The following HMG20B variants were observed in gnomAD, a reference collection of about 807,000 sequenced individuals.
HMG20B encodes the protein SWI/SNF-related matrix-associated actin-dependent regulator of chromatin subfamily E member 1-related.
In HMG20B, 24 loss-of-function variants were observed where a neutral mutation model predicts 41.6. That is an observed-to-expected ratio of 0.58 (90% CI 0.42 to 0.81). The LOEUF is 0.81. HMG20B is among the 30% of genes least tolerant of loss of function. The pLI is 0.00. For missense variants in HMG20B, 461 were observed against 444.0 expected (o/e 1.04, Z -0.34); for synonymous variants, 251 against 186.6 (o/e 1.34, Z -2.81).
At chr19:3,573,964 C>T in intron 3 of HMG20B, 164 bp downstream of exon 3, 1 of 730,852 alleles carries the variant, frequency 1.4e-6, no homozygotes, top group Non-Finnish European at 2.4e-6. Context: ...CTGACAGGTC[C>T]TCTGCCACTC....
chr19:3,573,260 GC>G, intron 1 of HMG20B, 31 bp from the exon 2 acceptor site: 2 of 1,501,466 alleles, frequency 1.3e-6, no homozygotes, highest in Non-Finnish European at 1.8e-6. Flanking sequence ...CAGCCCGGGC[GC>G]TACTCACCTC....
Position 3,578,883 on chromosome 19 carries a change from G to T in HMG20B, c.*362G>T, listed in dbSNP as rs1599858645. On this transcript the variant is annotated 3_prime_UTR_variant, in exon 10 of 10. Transcript: ENST00000333651. The stretch of plus-strand genomic sequence containing the variant: ...GGACCCCCCAAATTACTCACTACGG[G>T]GGGCTGTGCCATAGGCCACACAGGA... 1.9e-6 allele frequency: 1 copy of T among 533,650 alleles called. No individual in the cohort carries two copies. Among genetic ancestry groups the T allele is most frequent in the Non-Finnish European group, 3.6e-6 (1 of 277,326 alleles). The allele number at this position is 533,650 out of a possible 1,614,324, so 33.1% of individuals were successfully genotyped here.
At position 3,578,949 on chromosome 19, in the gene HMG20B, C is replaced by G. The variant is rs2032236748; in HGVS notation, c.*428C>G. 2.5e-6 allele frequency: 1 copy of G among 394,858 alleles called. No homozygotes were observed. Among genetic ancestry groups the G allele is most frequent in the African/African-American group, 2.1e-5 (1 of 48,376 alleles). The allele number at this position is 394,858 out of a possible 1,614,324, so 24.5% of individuals were successfully genotyped here. On this transcript the variant is annotated 3_prime_UTR_variant, in exon 10 of 10. Coordinates refer to ENST00000333651, the MANE Select transcript of HMG20B (RefSeq NM_006339.3). ...ACTTACCTGGGGTGTCCCCCGCATG[C>G]CTGTACCCCAGATGGGTGGGGGCCG...
rs898898964 is a variant in HMG20B at position 3,572,976 on chromosome 19, C to G, written c.-37C>G. 6.5e-6 allele frequency: 2 copies of G among 305,870 alleles called. No homozygotes were observed. Among genetic ancestry groups the G allele is most frequent in the South Asian group, 8.3e-5 (1 of 12,018 alleles). The allele number at this position is 305,870 out of a possible 1,614,324, so 18.9% of individuals were successfully genotyped here. On this transcript the variant is annotated 5_prime_UTR_variant, in exon 1 of 10. Coordinates refer to ENST00000333651, the MANE Select transcript of HMG20B (RefSeq NM_006339.3). ...TGGAGCGTCGCGCAGTCGGGAGGTC[C>G]GGGAAAGTTTCTTTGGAGGTGAAAA...
At chr19:3,578,354 T>A in intron 9 of HMG20B, 155 bp from the exon 10 acceptor site, 4 of 1,230,972 alleles carry the variant, frequency 3.2e-6, no homozygotes, top group Middle Eastern at 2.7e-4. Context: ...TCAGGGTGGA[T>A]CCCAGCGCCC....
At chr19:3,576,080 G>C in intron 5 of HMG20B, 181 bp from the exon 6 acceptor site, 1 of 625,852 alleles carries the variant, frequency 1.6e-6, no homozygotes, top group Non-Finnish European at 2.8e-6. Context: ...GGGTTGGGCG[G>C]GGGAAAGATA....
intron 4 of HMG20B, 105 bp downstream of exon 4, chr19:3,574,691 G>A (rs2032120847): frequency 9.4e-7 from 1 of 1,066,134 alleles, no homozygotes; most frequent in South Asian, 1.6e-5. Flanking sequence ...CCTTCTTCCT[G>A]GAGAAATGCC....
In HMG20B at chr19:3,578,938, TCC is replaced by T. The variant is rs751003862; in HGVS notation, c.*421_*422del. The T allele has an allele frequency of 9.0e-5, 38 of 422,798 alleles. No homozygotes were observed. The highest frequency in any genetic ancestry group is 2.2e-4 in the Admixed American group (8 of 35,608). 26.2% of individuals were successfully genotyped at this position (422,798 alleles called of 1,614,324 possible). On this transcript the variant is annotated 3_prime_UTR_variant, in exon 10 of 10. Coordinates refer to ENST00000333651, the MANE Select transcript of HMG20B (RefSeq NM_006339.3). Reference sequence around the variant, plus strand: ...GCCTTGTGGGGACTTACCTGGGGTGTCCCCCGCATGCCTGTACCCCAGATGGG... The same window carrying T: ...GCCTTGTGGGGACTTACCTGGGGTGTCCCGCATGCCTGTACCCCAGATGGG...
At chr19:3,577,812 C>T (rs1462152584) in intron 8 of HMG20B, among the ~76,000 whole-genome samples, 169 bp from the exon 9 acceptor site, 1 of 151,734 alleles carries the variant, frequency 6.6e-6, no homozygotes, top group Non-Finnish European at 1.5e-5. Context: ...CCTCGCCATC[C>T]TCCTGCCCCG....
In HMG20B at chr19:3,579,004, A is replaced by AG. The variant is rs2032238502; in HGVS notation, c.*486dup. On this transcript the variant is annotated 3_prime_UTR_variant, in exon 10 of 10. Coordinates refer to ENST00000333651, the MANE Select transcript of HMG20B (RefSeq NM_006339.3). This position sits in a 1 kb window ranked among gnomAD's most constrained non-coding sequence, Gnocchi z 7.4. ...TGCCCATCCTGCTCTCCTCCAGCCG[A>AG]GGGACCCTGGTGGGGGTGGCTCCTT... is the stretch of plus-strand genomic sequence containing the variant. 5.7e-6 allele frequency: 2 copies of AG among 352,706 alleles called. No homozygotes were observed. Among genetic ancestry groups the AG allele is most frequent in the Non-Finnish European group, 1.1e-5 (2 of 177,308 alleles). The allele number at this position is 352,706 out of a possible 1,614,324, so 21.8% of individuals were successfully genotyped here.
rs1170021339 is a variant in HMG20B at position 3,576,928 on chromosome 19, A to C, written c.629A>C (p.Asn210Thr). The C allele has an allele frequency of 6.3e-7, 1 of 1,584,238 alleles. No homozygotes were observed. Among genetic ancestry groups the C allele is most frequent in the Middle Eastern group, 1.9e-4 (1 of 5,290 alleles). The change falls in exon 8 of 10, where the codon AAT becomes ACT. Residue 210 changes from asparagine to threonine, a missense_variant. Coordinates refer to ENST00000333651, the MANE Select transcript of HMG20B (RefSeq NM_006339.3). ...EAELRRLRKM[N>T]VAFEEQNAVL... ...GAGCTTCGGCGCTTGCGGAAGATGA[A>C]TGTGGCCTTCGAGGAGCAGAACGCG...
intron 3 of HMG20B, chr19:3,574,059 T>C: frequency 1.5e-6 from 1 of 646,604 alleles, no homozygotes; most frequent in South Asian, 1.7e-5. Context: ...GGCGGCACCC[T>C]CCCCTTGGTC....
chr19:3,578,258 C>A, intron 9 of HMG20B, 145 bp downstream of exon 9: 1 of 1,240,662 alleles, frequency 8.1e-7, no homozygotes, highest in Non-Finnish European at 1.1e-6. Flanking sequence ...CTGCGGTCGC[C>A]CCTGATGCAC....
chr19:3,576,221 G>T, intron 5 of HMG20B, 40 bp from the exon 6 acceptor site: 1 of 1,601,118 alleles, frequency 6.2e-7, no homozygotes, highest in Non-Finnish European at 8.6e-7. Flanking sequence ...GGTCCCTGGA[G>T]GCCTGGGAGG....
chr19:3,573,610 G>A, intron 2 of HMG20B, 82 bp from the exon 3 acceptor site: 1 of 1,256,698 alleles, frequency 8.0e-7, no homozygotes, highest in Non-Finnish European at 1.1e-6. Context: ...CCCCGCCGTC[G>A]GGGGTCAAAA....
At chr19:3,575,478 AAAG>A in intron 4 of HMG20B, 59 bp from the exon 5 acceptor site, 1 of 1,549,410 alleles carries the variant, frequency 6.5e-7, no homozygotes, top group Non-Finnish European at 8.7e-7. Flanking sequence ...GCAGAGTGAT[AAAG>A]ACTGGATCCT....
At chr19:3,577,783 G>A (rs2032203580) in intron 8 of HMG20B, among the ~76,000 whole-genome samples, 198 bp from the exon 9 acceptor site, 1 of 147,872 alleles carries the variant, frequency 6.8e-6, no homozygotes, top group African/African-American at 2.5e-5. Context: ...CTAGCCCCGC[G>A]TCCCCACCCT....
intron 4 of HMG20B, 82 bp downstream of exon 4, chr19:3,574,668 G>A: frequency 1.6e-6 from 2 of 1,281,276 alleles, no homozygotes; most frequent in Non-Finnish European, 1.1e-6. Context: ...AGGATTCCAC[G>A]TGCAGGGTTT....
In HMG20B at chr19:3,578,683, T is replaced by G; in HGVS notation, c.*162T>G. ...AAATTAAATTTCTGCAGCATCCCTT[T>G]AGCTTTCAATCTCCCCAGCCCCCTG... On this transcript the variant is annotated 3_prime_UTR_variant, in exon 10 of 10. Coordinates refer to ENST00000333651, the MANE Select transcript of HMG20B (RefSeq NM_006339.3). 3 of 916,216 alleles carry G rather than the reference T, an allele frequency of 3.3e-6. No homozygotes were observed. Among genetic ancestry groups the G allele is most frequent in the Non-Finnish European group, 5.2e-6 (3 of 573,520 alleles). The allele number at this position is 916,216 out of a possible 1,614,324, so 56.8% of individuals were successfully genotyped here. A position where few individuals can be genotyped will look rare whatever the true frequency, so the allele number is the denominator to read the frequency against.
Sources: allele counts gnomAD v4.1 joint callset (sites outside exome capture counted in the v4.1 genomes callset), GRCh38; gene constraint gnomAD v4.1.1; non-coding constraint Gnocchi (gnomAD v3.1); transcripts MANE v1.5; gene names NCBI Gene and HGNC (gene_info 2026-07-23, HGNC 2026-07-21).